HDAC9: variants seen among roughly 807,000 people sequenced by gnomAD.
The protein encoded by HDAC9 is histone deacetylase 9, also known as MEF-2 interacting transcription repressor (MITR) protein.
Under a neutral mutation model 139.4 loss-of-function variants are expected in HDAC9, and 41 were observed. The observed-to-expected ratio is 0.29, with a 90% CI of 0.23 to 0.38. The LOEUF (loss-of-function observed/expected upper bound fraction) is 0.38. HDAC9 is among the 10% of genes least tolerant of loss of function. The probability of loss-of-function intolerance (pLI) is 1.00; values close to 1 mark genes in which losing one functional copy is unlikely to be tolerated. For synonymous variants in HDAC9, 517 were observed against 476.2 expected, an observed-to-expected ratio of 1.09 and a Z score of -1.12; for missense variants, 1,147 against 1,297.0, an observed-to-expected ratio of 0.88 and a Z score of 1.78.
upstream of HDAC9, among the ~76,000 whole-genome samples, chr7:18,493,636 G>C (rs1177186877): frequency 1.3e-5 from 2 of 151,900 alleles, no homozygotes; most frequent in Admixed American, 6.6e-5. Flanking sequence ...TGAGATGATA[G>C]ATTTGTAGCT....
intron 7 of HDAC9, among the ~76,000 whole-genome samples, chr7:18,634,335 T>C (rs1284323928): frequency 2.2e-5 from 3 of 133,936 alleles, no homozygotes; most frequent in African/African-American, 1.0e-4. Flanking sequence ...TTTCTTCAGT[T>C]TTTTTTTTTT....
intron 17 of HDAC9, among the ~76,000 whole-genome samples, chr7:18,825,423 G>T (rs374025071): frequency 5.9e-5 from 9 of 152,226 alleles, no homozygotes; most frequent in African/African-American, 2.2e-4. Context: ...TGAAAAGGAA[G>T]ATGCAGCCAA....
chr7:18,914,692 C>G (rs954488246), intron 22 of HDAC9, among the ~76,000 whole-genome samples: 1 of 137,282 alleles, frequency 7.3e-6, no homozygotes, highest in Non-Finnish European at 1.7e-5. Flanking sequence ...TTTCAATTTC[C>G]CACTTAACTT....
intron 12 of HDAC9, chr7:18,667,189 T>C: frequency 6.1e-6 from 6 of 985,360 alleles, no homozygotes; most frequent in Non-Finnish European, 7.2e-6. Flanking sequence ...ACTTTTATTT[T>C]GTGTAATTTG....
chr7:18,351,701 C>CTA (rs950912515), intron 1 of HDAC9, among the ~76,000 whole-genome samples: 2 of 152,184 alleles, frequency 1.3e-5, no homozygotes, highest in Admixed American at 1.3e-4. Flanking sequence ...GATAGTAAAA[C>CTA]TATCTGTTGC....
chr7:18,662,363 G>A (rs1006620788), intron 11 of HDAC9, among the ~76,000 whole-genome samples: 5 of 147,238 alleles, frequency 3.4e-5, no homozygotes, highest in Admixed American at 6.7e-5. Flanking sequence ...AGTGAAGAGC[G>A]ATAACTCAAG....
At chr7:18,816,891 C>CACAT (rs1362474002) in intron 17 of HDAC9, among the ~76,000 whole-genome samples, 1 of 152,052 alleles carries the variant, frequency 6.6e-6, no homozygotes, top group African/African-American at 2.4e-5. Flanking sequence ...GGGAAGCAGT[C>CACAT]ACATATAAAT....
intron 12 of HDAC9, among the ~76,000 whole-genome samples, chr7:18,691,400 A>G (rs1290971757): frequency 6.6e-6 from 1 of 151,998 alleles, no homozygotes; most frequent in Non-Finnish European, 1.5e-5. Context: ...TTCTGATCTT[A>G]TATTCATTTA....
At chr7:18,808,335 T>C (rs2520346) in intron 17 of HDAC9, 129,896 of 152,180 alleles carry the variant, frequency 0.85, 56,452 homozygotes, top group African/African-American at 0.96. Context: ...AGAAATTAGA[T>C]AAGAAAAAGA....
At chr7:18,932,008 C>T (rs575659665) in intron 22 of HDAC9, among the ~76,000 whole-genome samples, 10 of 152,184 alleles carry the variant, frequency 6.6e-5, no homozygotes, top group African/African-American at 2.2e-4. Context: ...AATAATGCAT[C>T]GGTACTGGCT....
chr7:18,876,364 C>T (rs540187456), intron 22 of HDAC9, among the ~76,000 whole-genome samples: 2 of 152,214 alleles, frequency 1.3e-5, no homozygotes, highest in African/African-American at 4.8e-5. Context: ...GTGTATCTTT[C>T]CTACTCAAGA....
At chr7:18,438,028 TA>T (rs1456732955) in intron 1 of HDAC9, among the ~76,000 whole-genome samples, 1 of 151,402 alleles carries the variant, frequency 6.6e-6, no homozygotes, top group Admixed American at 6.6e-5. Context: ...TGGACATCTT[TA>T]TAACATGTAT....
intron 1 of HDAC9, among the ~76,000 whole-genome samples, chr7:18,382,605 A>G (rs1360830318): frequency 1.3e-5 from 2 of 152,268 alleles, no homozygotes; most frequent in East Asian, 3.8e-4. Flanking sequence ...CAATAAGGAA[A>G]CAAATGAACA....
intron 1 of HDAC9, among the ~76,000 whole-genome samples, chr7:18,104,766 C>G (rs1394296712): frequency 6.6e-6 from 1 of 152,104 alleles, no homozygotes; most frequent in East Asian, 1.9e-4. Context: ...TGATTCTTGG[C>G]TCACTTTTCC....
intron 24 of HDAC9, 151 bp downstream of exon 24, chr7:18,954,381 C>T: frequency 1.6e-6 from 1 of 624,752 alleles, no homozygotes; most frequent in Non-Finnish European, 2.7e-6. Flanking sequence ...GCTCTTAATG[C>T]AGCAATCTTA....
chr7:18,435,804 G>T (rs1019517432), intron 1 of HDAC9, among the ~76,000 whole-genome samples: 2 of 151,112 alleles, frequency 1.3e-5, no homozygotes, highest in Admixed American at 6.6e-5. Context: ...ACTTTAGAAT[G>T]GAATAGAAAC....
At chr7:18,236,895 G>T (rs1220797952) in intron 2 of HDAC9, among the ~76,000 whole-genome samples, 1 of 152,184 alleles carries the variant, frequency 6.6e-6, no homozygotes, top group Non-Finnish European at 1.5e-5. Context: ...TGCTTCTCCT[G>T]CAGCTTGGCA....
chr7:18,314,671 G>A (rs1183588265), intron 1 of HDAC9, among the ~76,000 whole-genome samples: 1 of 152,158 alleles, frequency 6.6e-6, no homozygotes, highest in South Asian at 2.1e-4. Flanking sequence ...TTAAGAGTGA[G>A]ATTTTATTCT....
chr7:18,889,783 T>C (rs1257428370), intron 22 of HDAC9, among the ~76,000 whole-genome samples: 1 of 152,204 alleles, frequency 6.6e-6, no homozygotes, highest in Admixed American at 6.5e-5. Context: ...TTGCAGCCTT[T>C]AGCTCCTGGG....
Sources: allele counts gnomAD v4.1 joint callset (sites outside exome capture counted in the v4.1 genomes callset), GRCh38; gene constraint gnomAD v4.1.1; transcripts MANE v1.5; gene names NCBI Gene and HGNC (gene_info 2026-07-23, HGNC 2026-07-21).